The following PLCH2 variants were observed in gnomAD, a reference collection of about 807,000 sequenced individuals.
PLCH2 encodes the protein phospholipase C eta 2.
In PLCH2, 98 loss-of-function variants were observed where a neutral mutation model predicts 134.7. That is an observed-to-expected ratio of 0.73 (90% CI 0.62 to 0.86). PLCH2 has a LOEUF of 0.86. Among genes scored for constraint, PLCH2 ranks in the 40% least tolerant of loss-of-function variants. PLCH2 has a pLI of 0.00. For missense variants in PLCH2, 1,994 were observed against 1,986.6 expected (o/e 1.00, Z -0.07); for synonymous variants, 974 against 827.5 (o/e 1.18, Z -3.04).
chr1:2,432,149 G>A (rs1427745330), intron 2 of PLCH2, among the ~76,000 whole-genome samples: 2 of 152,234 alleles, frequency 1.3e-5, no homozygotes, highest in African/African-American at 4.8e-5. Context: ...GTGAGGCCAG[G>A]CCCCACTCTG....
Position 2,487,716 on chromosome 1 carries a change from TGA to T in PLCH2, c.1235_1235+1del. 6.2e-7 allele frequency: 1 copy of T among 1,612,948 alleles called. No homozygotes were observed. The highest frequency in any genetic ancestry group is 8.5e-7 in the Non-Finnish European group (1 of 1,179,672). On this transcript the variant is annotated frameshift_variant and splice_region_variant, in exon 8 of 22. Coordinates refer to ENST00000378486, the MANE Select transcript of PLCH2 (RefSeq NM_014638.4). LOFTEE classifies it high-confidence loss of function. The stretch of plus-strand genomic sequence containing the variant: ...TCAACAAATATGCCTTCATCAAGAA[TGA>T]GTGAGTGGCTGGGCCTAGCGGGGCT... ...TINKYAFIKN[E>X]YPVILSIENH... is the part of the protein sequence containing the mutation.
intron 1 of PLCH2, among the ~76,000 whole-genome samples, chr1:2,426,580 C>T (rs911347813): frequency 2.0e-5 from 3 of 152,238 alleles, no homozygotes; most frequent in South Asian, 2.1e-4. Context: ...GCTGGCCCCT[C>T]GCGGTCTTCC....
chr1:2,493,551 G>A (rs1467538475), intron 11 of PLCH2: 1 of 152,276 alleles, frequency 6.6e-6, no homozygotes, highest in African/African-American at 2.4e-5. Context: ...GTGACGGGAA[G>A]GCCCCTTGGC....
chr1:2,418,931 G>A, the PLCH2 span, among the ~76,000 whole-genome samples: 2 of 152,240 alleles, frequency 1.3e-5, no homozygotes, highest in Non-Finnish European at 2.9e-5. Flanking sequence ...GCTTATTGGG[G>A]TTGCAGCCAA....
chr1:2,503,057 C>T lies in PLCH2; in HGVS notation c.2959+648C>T, dbSNP rs1643327641. 4 of 708,576 alleles carry T rather than the reference C, an allele frequency of 5.6e-6. No homozygotes were observed. In the African/African-American group the frequency reaches 7.0e-5, roughly 12 times the overall value. The allele number at this position is 708,576 out of a possible 1,614,324, so 43.9% of individuals were successfully genotyped here. ...TCCGTGGCACTGTCTCCGTGGCACT[C>T]TGCTCCCTTGGCTTGCCTGTGGCCC... On this transcript the variant is annotated intron_variant, in intron 21 of 21. Coordinates refer to ENST00000378486, the MANE Select transcript of PLCH2 (RefSeq NM_014638.4).
At chr1:2,493,780 A>C (rs1004937453) in intron 11 of PLCH2, 1 of 152,964 alleles carries the variant, frequency 6.5e-6, no homozygotes, top group Non-Finnish European at 1.5e-5. Flanking sequence ...GTGTCCAGGC[A>C]GGCCCAGGTC....
chr1:2,492,812 C>T (rs1642665513), intron 11 of PLCH2, among the ~76,000 whole-genome samples: 1 of 152,120 alleles, frequency 6.6e-6, no homozygotes, highest in Non-Finnish European at 1.5e-5. Flanking sequence ...AGCCGGTGTC[C>T]CCTCTGCCCA....
rs1440450195 is a variant in PLCH2 at position 2,441,340 on chromosome 1, G to A, written c.115+10711G>A. Among the ~76,000 whole-genome samples, 6 of 152,346 alleles carry A rather than the reference G, an allele frequency of 3.9e-5. No homozygotes were observed. In the East Asian group the frequency reaches 9.6e-4, roughly 24 times the overall value. The stretch of plus-strand genomic sequence containing the variant: ...CAAGCAGGCGTCGCATCCGGCCTGG[G>A]TTTGGCTTCTGCCAGCTCCTGGGCC... On this transcript the variant is annotated intron_variant, in intron 2 of 3. Coordinates refer to the PLCH2 transcript ENST00000609981.
At chr1:2,467,431 G>A (rs886394603), upstream of PLCH2, 15 of 364,858 alleles carry the variant, frequency 4.1e-5, no homozygotes, top group Non-Finnish European at 4.2e-5. Flanking sequence ...GCCCCGTCCC[G>A]CCTTCCCCTC....
rs371640065 is a variant in PLCH2 at position 2,494,922 on chromosome 1, G to A, written c.1726G>A (p.Val576Ile). 28 of 1,600,056 alleles carry A rather than the reference G, an allele frequency of 1.7e-5. No homozygotes were observed. The highest frequency in any genetic ancestry group is 6.7e-5 in the East Asian group (3 of 44,454). Reference sequence around the variant, plus strand: ...GGCCAGCAGACGCAATGGCCGCCTCGTCGTGGGAAGCTTCTCCAGGCGCAA... The same window carrying A: ...GGCCAGCAGACGCAATGGCCGCCTCATCGTGGGAAGCTTCTCCAGGCGCAA... ...AGASRRNGRLVVGSFSRRKKK... is the reference protein window; with the variant it reads ...AGASRRNGRLIVGSFSRRKKK... The change falls in exon 12 of 22, where the codon GTC (valine) becomes ATC (isoleucine). Residue 576 changes from valine to isoleucine, a missense_variant. By Grantham distance (29) the Val-to-Ile change is conservative. This residue lies in a region of PLCH2 where 1,094 missense variants were observed against 1,234.3 expected (regional missense o/e 0.89). Coordinates refer to ENST00000378486, the MANE Select transcript of PLCH2 (RefSeq NM_014638.4).
At chr1:2,436,241 C>T (rs530615686) in intron 2 of PLCH2, among the ~76,000 whole-genome samples, 36 of 121,066 alleles carry the variant, frequency 3.0e-4, no homozygotes, top group African/African-American at 1.1e-3. Flanking sequence ...TTCCTCCTTC[C>T]TCCCTCCTCC....
chr1:2,488,405 G>C (rs989354687), intron 8 of PLCH2, among the ~76,000 whole-genome samples: 1 of 152,182 alleles, frequency 6.6e-6, no homozygotes, highest in Non-Finnish European at 1.5e-5. Context: ...CCTATGACCA[G>C]TGTAATCTGT....
chr1:2,502,577 C>A lies in PLCH2; in HGVS notation c.2959+168C>A, dbSNP rs1489801028. On this transcript the variant is annotated intron_variant, in intron 21 of 21. Transcript: ENST00000378486. ...CCTGCAGAGGGAGCGGCCACCCAGC[C>A]CGGGGCCTGCAAGCAGGCAGGCAGC... 4 of 768,758 alleles carry A rather than the reference C, an allele frequency of 5.2e-6. No individual in the cohort carries two copies. In the South Asian group the frequency reaches 6.0e-5, roughly 11 times the overall value. 47.6% of individuals were successfully genotyped at this position (768,758 alleles called of 1,614,324 possible).
At position 2,504,070 on chromosome 1, in the gene PLCH2, ACCCGGAGCCAATGTGGCAAGCCC is replaced by A; in HGVS notation, c.3111_3133del (p.Gly1038ArgfsTer4). ...AGGGACGGCCCCCATACCCCACAGG[ACCCGGAGCCAATGTGGCAAGCCC>A]CCTAGAGGACACTGAGGAGCCCCGA... is the stretch of plus-strand genomic sequence containing the variant. On this transcript the variant is annotated frameshift_variant, in exon 22 of 22. Coordinates refer to ENST00000378486, the MANE Select transcript of PLCH2 (RefSeq NM_014638.4). LOFTEE classifies it high-confidence loss of function. 1 of 1,547,568 alleles carries A rather than the reference ACCCGGAGCCAATGTGGCAAGCCC, an allele frequency of 6.5e-7. No individual in the cohort carries two copies.
intron 2 of PLCH2, among the ~76,000 whole-genome samples, chr1:2,445,610 C>A (rs886654538): frequency 6.6e-6 from 1 of 151,886 alleles, no homozygotes; most frequent in Non-Finnish European, 1.5e-5. Context: ...GCGGCCCCTC[C>A]TGTGGGTGAC....
chr1:2,484,654 A>G, intron 5 of PLCH2, 36 bp downstream of exon 5: 1 of 1,601,018 alleles, frequency 6.2e-7, no homozygotes, highest in Non-Finnish European at 8.5e-7. Context: ...GGGGCCAGCC[A>G]TCAGGCCTCG....
chr1:2,467,692 G>A (rs145861808), intron 1 of PLCH2: 4,597 of 405,868 alleles, frequency 0.011, 73 homozygotes, highest in East Asian at 0.049. Flanking sequence ...CCCAGAAGGG[G>A]GTTGTGATGG....
intron 4 of PLCH2, among the ~76,000 whole-genome samples, chr1:2,483,967 G>T (rs1318752845): frequency 8.6e-6 from 1 of 115,648 alleles, no homozygotes; most frequent in African/African-American, 3.5e-5. Flanking sequence ...CCGTGTGGGG[G>T]GGCGCTGACT....
chr1:2,504,520 G>A lies in PLCH2; in HGVS notation c.3558G>A (p.Ser1186=), dbSNP rs1195344126. 5.6e-6 allele frequency: 9 copies of A among 1,612,464 alleles called. No individual in the cohort carries two copies. Among genetic ancestry groups the A allele is most frequent in the African/African-American group, 1.3e-5 (1 of 75,042 alleles). The change falls in exon 22 of 22, where the codon TCG becomes TCA. Residue 1186 remains serine (S), a synonymous_variant. Coordinates refer to ENST00000378486, the MANE Select transcript of PLCH2 (RefSeq NM_014638.4). ...GACGCCTGCCCCCCAGGCCCCACTC[G>A]GCTTCGGCTGCCCGCCCAGACCTGC... ...HMGRLPPRPH[S]ASAARPDLPP... is the part of the protein sequence containing the mutation.
Sources: allele counts gnomAD v4.1 joint callset (sites outside exome capture counted in the v4.1 genomes callset), GRCh38; gene constraint gnomAD v4.1.1; regional missense constraint gnomAD v4.1.1; transcripts MANE v1.5; gene names NCBI Gene and HGNC (gene_info 2026-07-23, HGNC 2026-07-21).